PPP1R42: variants seen among roughly 807,000 people sequenced by gnomAD.
PPP1R42 encodes the protein leucine rich repeat containing 67.
PPP1R42 carries 34 observed loss-of-function variants against 31.0 expected under a neutral mutation model. That is an observed-to-expected ratio of 1.10 (90% CI 0.83 to 1.46). The LOEUF (loss-of-function observed/expected upper bound fraction) is 1.46. Ranked by LOEUF, PPP1R42 falls within the 40% of genes most tolerant of loss-of-function variation. The probability of loss-of-function intolerance (pLI) is 0.00; values close to 1 mark genes in which losing one functional copy is unlikely to be tolerated. For synonymous variants in PPP1R42, 103 were observed against 109.8 expected (o/e 0.94, Z 0.39); for missense variants, 268 against 303.0 (o/e 0.88, Z 0.86).
At chr8:67,008,555 A>G (rs1052611962) in intron 5 of PPP1R42, among the ~76,000 whole-genome samples, 4 of 152,024 alleles carry the variant, frequency 2.6e-5, no homozygotes, top group African/African-American at 9.7e-5. Context: ...TATAAATACA[A>G]AAATTAGCTG....
intron 7 of PPP1R42, among the ~76,000 whole-genome samples, chr8:66,981,642 A>G (rs751711315): frequency 6.6e-6 from 1 of 151,358 alleles, no homozygotes; most frequent in Non-Finnish European, 1.5e-5. Flanking sequence ...CATCCTCCCA[A>G]AGTGCTGGGA....
chr8:66,967,048 C>T (rs1389144320), intron 7 of PPP1R42, among the ~76,000 whole-genome samples: 1 of 152,176 alleles, frequency 6.6e-6, no homozygotes, highest in African/African-American at 2.4e-5. Context: ...ACAATCGCGG[C>T]TCACTGCAGC....
intron 7 of PPP1R42, among the ~76,000 whole-genome samples, chr8:66,981,202 A>G (rs1814822997): frequency 6.6e-6 from 1 of 152,142 alleles, no homozygotes; most frequent in African/African-American, 2.4e-5. Context: ...ACTCTTAGTT[A>G]CATTTTGTTG....
At chr8:66,982,951 CTT>C (rs199626734) in intron 6 of PPP1R42, among the ~76,000 whole-genome samples, 23 of 136,176 alleles carry the variant, frequency 1.7e-4, no homozygotes, top group East Asian at 2.1e-4. Flanking sequence ...TAATTAAAAG[CTT>C]TTTTTTTTTT....
intron 1 of PPP1R42, among the ~76,000 whole-genome samples, chr8:67,023,477 A>C (rs1816286296): frequency 6.6e-6 from 1 of 152,178 alleles, no homozygotes; most frequent in Non-Finnish European, 1.5e-5. Flanking sequence ...ATTCTTTTAG[A>C]AATTGTATTT....
At chr8:66,973,763 C>T (rs1814599244) in intron 7 of PPP1R42, among the ~76,000 whole-genome samples, 1 of 152,154 alleles carries the variant, frequency 6.6e-6, no homozygotes, top group Non-Finnish European at 1.5e-5. Context: ...CCCTCAGCTG[C>T]TGGAAATAGC....
chr8:66,966,325 C>T (rs1194118625), intron 7 of PPP1R42, among the ~76,000 whole-genome samples: 1 of 152,118 alleles, frequency 6.6e-6, no homozygotes, highest in East Asian at 1.9e-4. Context: ...CAGCAGAGTA[C>T]TTGAGAGGTT....
intron 6 of PPP1R42, among the ~76,000 whole-genome samples, chr8:66,983,638 T>C (rs1585643944): frequency 6.6e-6 from 1 of 152,302 alleles, no homozygotes; most frequent in East Asian, 1.9e-4. Flanking sequence ...CTTTCAGGGA[T>C]AATGACAATA....
Position 67,010,617 on chromosome 8 carries a change from GT to G in PPP1R42, c.552+97del, listed in dbSNP as rs1815812825. ...CTAATTTTAGAACAAATCCAGAGTA[GT>G]TTTTAATGTGATATATTTATTTTAT... On this transcript the variant is annotated intron_variant, in intron 5 of 7. Transcript: ENST00000685739. 12 of 810,736 alleles carry G rather than the reference GT, an allele frequency of 1.5e-5. No individual in the cohort carries two copies. In the South Asian group the frequency reaches 2.0e-4, roughly 13 times the overall value. 50.2% of individuals were successfully genotyped at this position (810,736 alleles called of 1,614,324 possible). A position where few individuals can be genotyped will look rare whatever the true frequency, so the allele number is the denominator to read the frequency against.
intron 1 of PPP1R42, among the ~76,000 whole-genome samples, chr8:67,020,085 G>A (rs1197490005): frequency 6.6e-6 from 1 of 152,044 alleles, no homozygotes; most frequent in African/African-American, 2.4e-5. Context: ...ATAGGACAAT[G>A]GTGCAAAATA....
At chr8:67,005,371 A>G (rs1273885848) in intron 5 of PPP1R42, among the ~76,000 whole-genome samples, 2 of 151,604 alleles carry the variant, frequency 1.3e-5, no homozygotes, top group African/African-American at 4.9e-5. Flanking sequence ...TAAATACTGG[A>G]GTGTTTTTGT....
chr8:67,006,933 T>A (rs1481225017), intron 5 of PPP1R42, among the ~76,000 whole-genome samples: 1 of 150,814 alleles, frequency 6.6e-6, no homozygotes, highest in African/African-American at 2.4e-5. Context: ...TTAGTAGAGA[T>A]GGGGTTTCAC....
chr8:66,979,407 C>T (rs1049486759), intron 7 of PPP1R42, among the ~76,000 whole-genome samples: 9 of 152,168 alleles, frequency 5.9e-5, no homozygotes, highest in Non-Finnish European at 1.2e-4. Flanking sequence ...TGGTTGCACA[C>T]GCCTGTCATC....
intron 1 of PPP1R42, among the ~76,000 whole-genome samples, chr8:67,019,020 G>C (rs2129537097): frequency 6.7e-6 from 1 of 149,818 alleles, no homozygotes; most frequent in African/African-American, 2.5e-5. Flanking sequence ...AATTTTAATG[G>C]AGACGGGGTT....
chr8:67,015,177 C>G (rs1815974342), intron 2 of PPP1R42, among the ~76,000 whole-genome samples: 1 of 152,074 alleles, frequency 6.6e-6, no homozygotes, highest in African/African-American at 2.4e-5. Flanking sequence ...TGCCACCATG[C>G]CCGGCTAATT....
At chr8:67,011,780 A>G (rs1359467585) in intron 4 of PPP1R42, among the ~76,000 whole-genome samples, 1 of 152,166 alleles carries the variant, frequency 6.6e-6, no homozygotes, top group Non-Finnish European at 1.5e-5. Flanking sequence ...TCATCAATTC[A>G]TGGCCTTTTG....
intron 1 of PPP1R42, among the ~76,000 whole-genome samples, chr8:67,025,738 C>T: frequency 6.6e-6 from 1 of 152,134 alleles, no homozygotes; most frequent in East Asian, 1.9e-4. Context: ...GGTGCGGTGG[C>T]TCATGCCTGT....
chr8:67,028,358 G>C lies in PPP1R42; in HGVS notation c.-85+133C>G, dbSNP rs914489350. The C allele has an allele frequency of 1.5e-5, 5 of 338,268 alleles. No homozygotes were observed. In the Admixed American group the frequency reaches 2.6e-4, roughly 17 times the overall value. The allele number at this position is 338,268 out of a possible 1,614,324, so 21.0% of individuals were successfully genotyped here. On this transcript the variant is annotated intron_variant, in intron 1 of 7. Coordinates refer to ENST00000685739, the MANE Select transcript of PPP1R42 (RefSeq NM_001364910.1). ...CCAGACTATTTTTTCTGGAAATTCT[G>C]TATGTCTAAAGATAGGGCCCAAGGA...
chr8:67,008,579 A>G (rs1224636894), intron 5 of PPP1R42, among the ~76,000 whole-genome samples: 2 of 152,040 alleles, frequency 1.3e-5, no homozygotes, highest in Non-Finnish European at 2.9e-5. Flanking sequence ...GTGGTGGCAC[A>G]TGCCTGTAAT....
Sources: gnomAD v4.1 joint callset for allele counts (sites outside exome capture counted in the v4.1 genomes callset) on GRCh38, gnomAD v4.1.1 for gene constraint, MANE v1.5 for transcripts, NCBI Gene and HGNC (gene_info 2026-07-23, HGNC 2026-07-21) for gene names.